Variants in ESYT2 observed in about 807,000 individuals in gnomAD.
The protein encoded by ESYT2 is extended synaptotagmin-2.
Under a neutral mutation model 107.2 loss-of-function variants are expected in ESYT2, and 54 were observed. That is an observed-to-expected ratio of 0.50 (90% CI 0.40 to 0.63). The LOEUF is 0.63. ESYT2 is among the 30% of genes least tolerant of loss of function. The pLI is 0.00. For missense variants in ESYT2, 1,020 were observed against 1,094.5 expected, an observed-to-expected ratio of 0.93 and a Z score of 0.96; for synonymous variants, 491 against 434.1, an observed-to-expected ratio of 1.13 and a Z score of -1.63.
At chr7:158,781,994 T>C (rs114470986) in intron 6 of ESYT2, among the ~76,000 whole-genome samples, 1 of 141,528 alleles carries the variant, frequency 7.1e-6, no homozygotes, top group African/African-American at 2.7e-5. Flanking sequence ...TGTGTGTAAT[T>C]ACGAGAACAA....
chr7:158,740,444 C>T (rs1837150799), intron 18 of ESYT2, among the ~76,000 whole-genome samples: 2 of 152,206 alleles, frequency 1.3e-5, no homozygotes, highest in African/African-American at 4.8e-5. Flanking sequence ...CCCTGTGGTC[C>T]TTGTTAAGCA....
At chr7:158,755,679 C>CT (rs1455259080) in intron 13 of ESYT2, among the ~76,000 whole-genome samples, 2 of 152,078 alleles carry the variant, frequency 1.3e-5, no homozygotes, top group Non-Finnish European at 2.9e-5. Context: ...TTAAAAAGGC[C>CT]TTAGACATAT....
At position 158,761,520 on chromosome 7, in the gene ESYT2, A is replaced by C. The variant is rs2129472126; in HGVS notation, c.1209T>G (p.Val403=). Residue 403 remains valine (V), a synonymous_variant, in exon 11 of 23, where the codon GTT becomes GTG. Coordinates refer to ENST00000275418, the MANE Select transcript of ESYT2 (RefSeq NM_001367773.1). The stretch of plus-strand genomic sequence containing the variant: ...CTTCATCTAAAAGGCGCTCCTTTTC[A>C]ACTTCAATGAGGTCAATCATAAGAC... ...LGSLMIDLIE[V]EKERLLDEWF... is the part of the protein sequence containing the mutation. 4 of 1,614,098 alleles carry C rather than the reference A, an allele frequency of 2.5e-6. No homozygotes were observed. Among genetic ancestry groups the C allele is most frequent in the Non-Finnish European group, 3.4e-6 (4 of 1,179,944 alleles).
chr7:158,751,503 C>T (rs1259840672), intron 14 of ESYT2, among the ~76,000 whole-genome samples: 1 of 152,126 alleles, frequency 6.6e-6, no homozygotes, highest in East Asian at 1.9e-4. Flanking sequence ...CTCTGTTTAT[C>T]CCTTGATTAT....
intron 6 of ESYT2, among the ~76,000 whole-genome samples, chr7:158,775,168 A>G (rs1300254942): frequency 1.3e-5 from 2 of 152,216 alleles, no homozygotes; most frequent in African/African-American, 2.4e-5. Context: ...TTAAAAATGT[A>G]CATACCTTTA....
intron 11 of ESYT2, among the ~76,000 whole-genome samples, chr7:158,761,185 G>A (rs1837946604): frequency 6.6e-6 from 1 of 152,144 alleles, no homozygotes; most frequent in African/African-American, 2.4e-5. Flanking sequence ...ATCTCGCACA[G>A]CCCTGCCCTT....
At chr7:158,810,872 A>C (rs187114610) in intron 1 of ESYT2, among the ~76,000 whole-genome samples, 7 of 152,246 alleles carry the variant, frequency 4.6e-5, no homozygotes, top group Admixed American at 3.9e-4. Flanking sequence ...TACAGAAGAC[A>C]AAAGGATCTA....
intron 1 of ESYT2, among the ~76,000 whole-genome samples, chr7:158,799,377 C>T (rs531705635): frequency 1.3e-5 from 2 of 152,272 alleles, no homozygotes; most frequent in African/African-American, 4.8e-5. Context: ...ATAAATTATA[C>T]AAAACTGACC....
intron 18 of ESYT2, among the ~76,000 whole-genome samples, chr7:158,740,906 G>T (rs1201800406): frequency 6.6e-6 from 1 of 152,134 alleles, no homozygotes; most frequent in African/African-American, 2.4e-5. Flanking sequence ...ACACCACACA[G>T]GGAGAACTAT....
intron 1 of ESYT2, among the ~76,000 whole-genome samples, chr7:158,827,098 G>A (rs1321609889): frequency 6.6e-5 from 10 of 150,934 alleles, no homozygotes; most frequent in Non-Finnish European, 4.4e-5. Flanking sequence ...TGGAGGCGGA[G>A]GTTGTAGTGA....
At chr7:158,748,805 C>T (rs776915771) in intron 15 of ESYT2, among the ~76,000 whole-genome samples, 2 of 151,586 alleles carry the variant, frequency 1.3e-5, no homozygotes, top group Admixed American at 6.6e-5. Context: ...CTGCAACCTC[C>T]ACCTTCCGGG....
intron 6 of ESYT2, among the ~76,000 whole-genome samples, chr7:158,782,786 A>G (rs1838958131): frequency 1.3e-5 from 2 of 152,320 alleles, no homozygotes; most frequent in African/African-American, 4.8e-5. Context: ...CCATGAGAAC[A>G]AATGTGAGAA....
At chr7:158,799,849 G>A (rs1264461102) in intron 1 of ESYT2, among the ~76,000 whole-genome samples, 1 of 151,968 alleles carries the variant, frequency 6.6e-6, no homozygotes, top group African/African-American at 2.4e-5. Context: ...CCTATTTAGG[G>A]CCAGGCATGG....
At chr7:158,766,065 C>T (rs1173541917) in intron 8 of ESYT2, among the ~76,000 whole-genome samples, 2 of 151,090 alleles carry the variant, frequency 1.3e-5, no homozygotes, top group South Asian at 2.1e-4. Flanking sequence ...GGTGTGGTGG[C>T]GGCTGAGGTG....
intron 6 of ESYT2, among the ~76,000 whole-genome samples, chr7:158,785,978 GAATT>G (rs1236932239): frequency 6.6e-6 from 1 of 152,142 alleles, no homozygotes; most frequent in Non-Finnish European, 1.5e-5. Flanking sequence ...GGATGAGGAG[GAATT>G]ACTTGGCAGC....
intron 1 of ESYT2, among the ~76,000 whole-genome samples, chr7:158,818,999 G>A (rs772253323): frequency 2.0e-5 from 3 of 152,188 alleles, no homozygotes; most frequent in Non-Finnish European, 2.9e-5. Context: ...AATCATCATG[G>A]GAACCTCAAA....
At chr7:158,808,300 AGACACGAGCCCCGTCCG>A (rs1196197187) in intron 1 of ESYT2, among the ~76,000 whole-genome samples, 7 of 152,214 alleles carry the variant, frequency 4.6e-5, no homozygotes, top group African/African-American at 1.7e-4. Flanking sequence ...GTCCAGCTCG[AGACACGAGCCCCGTCCG>A]GCACGTTCGC....
At chr7:158,773,195 G>A (rs1338518278) in intron 7 of ESYT2, 146 bp downstream of exon 7, 2 of 892,446 alleles carry the variant, frequency 2.2e-6, no homozygotes, top group Non-Finnish European at 3.6e-6. Flanking sequence ...TGTACCCTCT[G>A]CTTGTTTCTC....
Position 158,770,681 on chromosome 7 carries a change from A to AT in ESYT2, c.803+2659dup, listed in dbSNP as rs1485134025. ...AGGCGCCTGCCACCATGCCCGGCTA[A>AT]TTTTTTTGTATTTTCAGTAGAGACA... is the stretch of plus-strand genomic sequence containing the variant. On this transcript the variant is annotated intron_variant, in intron 7 of 22. Transcript: ENST00000275418. Among the ~76,000 whole-genome samples the AT allele has an allele frequency of 9.2e-3, 1,396 of 151,858 alleles. 18 individuals carry two copies. The highest frequency in any genetic ancestry group is 0.03 in the African/African-American group (1,250 of 41,428).
Sources: gnomAD v4.1 joint callset for allele counts (sites outside exome capture counted in the v4.1 genomes callset) on GRCh38, gnomAD v4.1.1 for gene constraint, MANE v1.5 for transcripts, NCBI Gene and HGNC (gene_info 2026-07-23, HGNC 2026-07-21) for gene names.